CDKL1: variants seen among roughly 807,000 people sequenced by gnomAD.
CDKL1 encodes cyclin dependent kinase like 1, also known as cyclin-dependent kinase-like 1.
Under a neutral mutation model 42.0 loss-of-function variants are expected in CDKL1, and 41 were observed. That is an observed-to-expected ratio of 0.98 (90% CI 0.76 to 1.27). The LOEUF is 1.27. Among genes scored for constraint, CDKL1 ranks in the 50% most tolerant of loss-of-function variants. The pLI, the probability that CDKL1 is intolerant of heterozygous loss-of-function variation, is 0.00. For missense variants in CDKL1, 394 were observed against 428.4 expected (o/e 0.92, Z 0.71); for synonymous variants, 153 against 158.6 (o/e 0.96, Z 0.26).
chr14:50,334,641 T>C lies in CDKL1; in HGVS notation c.739-20A>G, dbSNP rs1441851277. ...TGGTTCCTGTTGAAAAGAAAAGAGG[T>C]TTTTAATTTACAGCATGTATTCAAA... On this transcript the variant is annotated intron_variant, in intron 7 of 9. Transcript: ENST00000395834. 4.1e-6 allele frequency: 6 copies of C among 1,473,084 alleles called. No homozygotes were observed. Among genetic ancestry groups the C allele is most frequent in the Non-Finnish European group, 5.7e-6 (6 of 1,052,676 alleles). 91.3% of individuals were successfully genotyped at this position (1,473,084 alleles called of 1,614,324 possible). A position where few individuals can be genotyped will look rare whatever the true frequency, so the allele number is the denominator to read the frequency against.
intron 7 of CDKL1, chr14:50,336,331 T>A: frequency 9.2e-7 from 1 of 1,081,090 alleles, no homozygotes; most frequent in East Asian, 6.0e-5. Context: ...GCTTCTTACA[T>A]TTATGAAACC....
chr14:50,358,657 T>TTTTTTTTTTTTTTA (rs2034138679), intron 3 of CDKL1, among the ~76,000 whole-genome samples: 2 of 141,740 alleles, frequency 1.4e-5, no homozygotes, highest in Non-Finnish European at 1.5e-5. Flanking sequence ...TTTTTTTTTT[T>TTTTTTTTTTTTTTA]GAGACAGAGT....
rs531685296 is a variant in CDKL1 at position 50,326,680 on chromosome 14, C to T, written c.*3394G>A. ...ACTTGGCTGAATACAAATAGTTTTGCAGATTGCAATATAATAAAGGAAACA... is the reference window on the plus strand; with the variant it reads ...ACTTGGCTGAATACAAATAGTTTTGTAGATTGCAATATAATAAAGGAAACA... On this transcript the variant is annotated 3_prime_UTR_variant, in exon 10 of 10. Transcript: ENST00000395834. The T allele has an allele frequency of 1.4e-5, 14 of 985,290 alleles. No individual in the cohort carries two copies. In the East Asian group the frequency reaches 1.5e-3, roughly 104 times the overall value. 61.0% of individuals were successfully genotyped at this position (985,290 alleles called of 1,614,324 possible). A position where few individuals can be genotyped will look rare whatever the true frequency, so the allele number is the denominator to read the frequency against.
chr14:50,341,251 T>C lies in CDKL1; in HGVS notation c.455-19A>G. The stretch of plus-strand genomic sequence containing the variant: ...GGTCCAGCTAGCCAGTGATGGAACA[T>C]GGAAAACAAACAGCAGCGGAAGGCT... On this transcript the variant is annotated intron_variant, in intron 5 of 9. Transcript: ENST00000395834. 6.4e-7 allele frequency: 1 copy of C among 1,571,330 alleles called. No homozygotes were observed. Among genetic ancestry groups the C allele is most frequent in the Non-Finnish European group, 8.7e-7 (1 of 1,153,030 alleles).
At chr14:50,389,277 G>T (rs963114168) in intron 2 of CDKL1, among the ~76,000 whole-genome samples, 8 of 151,926 alleles carry the variant, frequency 5.3e-5, no homozygotes, top group Non-Finnish European at 7.4e-5. Flanking sequence ...AAAATCAAAT[G>T]AGAGCCTACT....
rs112873078 is a variant in CDKL1 at position 50,343,061 on chromosome 14, TAGAGA to T, written c.364-844_364-840del. 2,838 of 1,323,906 alleles carry T rather than the reference TAGAGA, an allele frequency of 2.1e-3. 49 individuals are homozygous for T. The African/African-American group carries it at 0.037, about 17-fold the overall frequency. The allele number at this position is 1,323,906 out of a possible 1,614,324, so 82.0% of individuals were successfully genotyped here. On this transcript the variant is annotated intron_variant, in intron 4 of 9. Coordinates refer to ENST00000395834, the MANE Select transcript of CDKL1 (RefSeq NM_004196.7). Reference sequence around the variant, plus strand: ...CCAACATTCTTAAACAGGGTGATCTTAGAGAAAAGAACGTTTGAGAATCTTCACAT... The same window carrying T: ...CCAACATTCTTAAACAGGGTGATCTTAAAGAACGTTTGAGAATCTTCACAT...
chr14:50,336,830 T>C (rs2033303693), intron 7 of CDKL1, among the ~76,000 whole-genome samples: 1 of 150,880 alleles, frequency 6.6e-6, no homozygotes, highest in Non-Finnish European at 1.5e-5. Context: ...AGTATTTTGA[T>C]ATATATCCTT....
At chr14:50,336,971 CT>C (rs1313072931) in intron 7 of CDKL1, among the ~76,000 whole-genome samples, 1 of 151,404 alleles carries the variant, frequency 6.6e-6, no homozygotes, top group Non-Finnish European at 1.5e-5. Context: ...TTTATTAAAA[CT>C]TTGTCAAATT....
intron 7 of CDKL1, chr14:50,335,654 G>A: frequency 4.6e-6 from 7 of 1,509,826 alleles, no homozygotes; most frequent in Non-Finnish European, 6.2e-6. Context: ...GAGAGGCTGA[G>A]AAAATAAGAG....
chr14:50,362,790 G>A (rs2034307554), intron 2 of CDKL1: 1 of 264,130 alleles, frequency 3.8e-6, no homozygotes, highest in Admixed American at 3.9e-5. Flanking sequence ...CTGTAAAACA[G>A]ACCAATTGGC....
chr14:50,390,180 G>A (rs1284663597), intron 2 of CDKL1: 1 of 1,365,908 alleles, frequency 7.3e-7, no homozygotes, highest in East Asian at 4.5e-5. Flanking sequence ...TGTTTTTCTT[G>A]TTTTCTGGAG....
intron 2 of CDKL1, among the ~76,000 whole-genome samples, chr14:50,364,637 G>A (rs1277648327): frequency 6.6e-6 from 1 of 152,016 alleles, no homozygotes; most frequent in Non-Finnish European, 1.5e-5. Flanking sequence ...ACCAAATTAG[G>A]TAAGTTCTGT....
chr14:50,392,993 C>G (rs145913251), intron 2 of CDKL1, among the ~76,000 whole-genome samples: 20 of 152,094 alleles, frequency 1.3e-4, no homozygotes, highest in Non-Finnish European at 1.8e-4. Flanking sequence ...CTGGCTTCCC[C>G]CTTCCTTCTC....
chr14:50,382,796 T>C (rs929642580), intron 2 of CDKL1, among the ~76,000 whole-genome samples: 2 of 152,216 alleles, frequency 1.3e-5, no homozygotes, highest in African/African-American at 4.8e-5. Flanking sequence ...GTTTCACTTG[T>C]TGCCCAGGCT....
At position 50,328,534 on chromosome 14, in the gene CDKL1, T is replaced by C. The variant is rs1232123647; in HGVS notation, c.*1540A>G. ...TTGAAAATAGAGTGAAATACAACTT[T>C]GAAGACCATGGCTGAGAAGTGCTAG... On this transcript the variant is annotated 3_prime_UTR_variant, in exon 10 of 10. Coordinates refer to ENST00000395834, the MANE Select transcript of CDKL1 (RefSeq NM_004196.7). 1 of 152,170 alleles carries C rather than the reference T, an allele frequency of 6.6e-6. No homozygotes were observed. The highest frequency in any genetic ancestry group is 6.5e-5 in the Admixed American group (1 of 15,280). The allele number at this position is 152,170 out of a possible 1,614,324, so 9.4% of individuals were successfully genotyped here.
In CDKL1 at chr14:50,342,068, T is replaced by A. The variant is rs1027639951; in HGVS notation, c.454+64A>T. The A allele has an allele frequency of 1.9e-5, 23 of 1,242,968 alleles. No homozygotes were observed. In the Admixed American group the frequency reaches 3.8e-4, roughly 20 times the overall value. 77.0% of individuals were successfully genotyped at this position (1,242,968 alleles called of 1,614,324 possible). A position where few individuals can be genotyped will look rare whatever the true frequency, so the allele number is the denominator to read the frequency against. On this transcript the variant is annotated intron_variant, in intron 5 of 9. Transcript: ENST00000395834. The stretch of plus-strand genomic sequence containing the variant: ...CTTGTATACTTCTAGAGCATTTAGA[T>A]CCTTTGTTGTATCAAGAACTTTTTC...
At position 50,328,008 on chromosome 14, in the gene CDKL1, G is replaced by A. The variant is rs1352348333; in HGVS notation, c.*2066C>T. On this transcript the variant is annotated 3_prime_UTR_variant, in exon 10 of 10. Coordinates refer to ENST00000395834, the MANE Select transcript of CDKL1 (RefSeq NM_004196.7). ...AAAGCATTATAAATATGGTTAAATTGAACATAAGCATAAATTTAACGGAAC... is the reference window on the plus strand; with the variant it reads ...AAAGCATTATAAATATGGTTAAATTAAACATAAGCATAAATTTAACGGAAC... 2.0e-5 allele frequency: 3 copies of A among 152,074 alleles called. No individual in the cohort carries two copies. The highest frequency in any genetic ancestry group is 4.4e-5 in the Non-Finnish European group (3 of 68,028). 9.4% of individuals were successfully genotyped at this position (152,074 alleles called of 1,614,324 possible).
chr14:50,343,087 C>T (rs963743849), intron 4 of CDKL1: 8 of 1,270,498 alleles, frequency 6.3e-6, no homozygotes, highest in Admixed American at 2.6e-5. Context: ...TGAGAATCTT[C>T]ACATGATTTT....
At chr14:50,343,160 T>TTTG in intron 4 of CDKL1, 1 of 511,686 alleles carries the variant, frequency 2.0e-6, no homozygotes, top group South Asian at 2.1e-5. Flanking sequence ...AGTTACTTTT[T>TTTG]TTTTTTTTTT....
Sources: allele counts gnomAD v4.1 joint callset (sites outside exome capture counted in the v4.1 genomes callset), GRCh38; gene constraint gnomAD v4.1.1; transcripts MANE v1.5; gene names NCBI Gene and HGNC (gene_info 2026-07-23, HGNC 2026-07-21).